Variants in NFATC1 observed in about 807,000 individuals in gnomAD.
NFATC1 encodes the protein nuclear factor of activated T cells 1, also known as nuclear factor of activated T-cells, cytoplasmic 1.
Under a neutral mutation model 76.0 loss-of-function variants are expected in NFATC1, and 22 were observed. The ratio of observed to expected loss-of-function variants is 0.29; its 90% CI spans 0.21 to 0.41. The LOEUF (loss-of-function observed/expected upper bound fraction) is 0.41. Among genes scored for constraint, NFATC1 ranks in the 10% least tolerant of loss-of-function variants. NFATC1 has a pLI of 1.00. For synonymous variants in NFATC1, 704 were observed against 613.1 expected, an observed-to-expected ratio of 1.15 and a Z score of -2.19; for missense variants, 1,357 against 1,337.7, an observed-to-expected ratio of 1.01 and a Z score of -0.23.
At position 79,410,042 on chromosome 18, in the gene NFATC1, A is replaced by C; in HGVS notation, c.128-361A>C. 1 of 599,272 alleles carries C rather than the reference A, an allele frequency of 1.7e-6. No homozygotes were observed. 37.1% of individuals were successfully genotyped at this position (599,272 alleles called of 1,614,324 possible). The stretch of plus-strand genomic sequence containing the variant: ...AGGACCCAGTCGCCTCTCTCTGGGA[A>C]GGACGTTCGGATGAAGATGGGGTGG... On this transcript the variant is annotated intron_variant, in intron 1 of 9. Coordinates refer to ENST00000427363, the MANE Select transcript of NFATC1 (RefSeq NM_001278669.2). The surrounding 1 kb of genome is among the most constrained non-coding windows in gnomAD (Gnocchi z 6.7).
chr18:79,462,973 G>C (rs540567550), intron 7 of NFATC1, among the ~76,000 whole-genome samples: 2 of 152,212 alleles, frequency 1.3e-5, no homozygotes, highest in East Asian at 3.8e-4. Flanking sequence ...TTGGTGGGAC[G>C]ATCGGTGGCC....
At chr18:79,519,733 AT>A (rs2090468292) in intron 9 of NFATC1, among the ~76,000 whole-genome samples, 1 of 152,090 alleles carries the variant, frequency 6.6e-6, no homozygotes, top group African/African-American at 2.4e-5. Flanking sequence ...GCATGTTTAA[AT>A]TTTTATTCTC....
chr18:79,396,751 G>A (rs1463397309), intron 1 of NFATC1, among the ~76,000 whole-genome samples: 1 of 152,018 alleles, frequency 6.6e-6, no homozygotes, highest in Non-Finnish European at 1.5e-5. Context: ...TCCTGAGCGA[G>A]GCAGAGCCAC....
At position 79,474,222 on chromosome 18, in the gene NFATC1, C is replaced by CGTG. The variant is rs34593308; in HGVS notation, c.2092+6642_2092+6643insGGT. Among the ~76,000 whole-genome samples the CGTG allele has an allele frequency of 5.5e-4, 43 of 77,886 alleles. 4 individuals carry two copies. The East Asian group carries it at 0.012, about 22-fold the overall frequency. The allele number at this position is 77,886 out of a possible 152,430, so 51.1% of individuals were successfully genotyped here. On this transcript the variant is annotated intron_variant, in intron 8 of 9. Transcript: ENST00000427363. ...AGCGTGTTCTCATGCTCACTGTCGA[C>CGTG]GTAAACCTGAGGGAAGCGTGTTCTC...
intron 6 of NFATC1, among the ~76,000 whole-genome samples, chr18:79,452,339 G>C (rs984159198): frequency 4.6e-5 from 7 of 152,218 alleles, no homozygotes; most frequent in African/African-American, 1.7e-4. Flanking sequence ...TGTGCCCCAA[G>C]GGCACAGGTC....
intron 9 of NFATC1, among the ~76,000 whole-genome samples, chr18:79,519,268 C>G (rs2046233785): frequency 6.6e-6 from 1 of 152,236 alleles, no homozygotes. Context: ...TCACTACCAT[C>G]TGAAAAACCC....
At chr18:79,502,275 G>T (rs1266784809) in intron 9 of NFATC1, among the ~76,000 whole-genome samples, 1 of 152,186 alleles carries the variant, frequency 6.6e-6, no homozygotes, top group Admixed American at 6.5e-5. Context: ...TTTTTAACAA[G>T]TGGTGCTGGG....
At chr18:79,399,070 C>G (rs1206965479) in intron 1 of NFATC1, among the ~76,000 whole-genome samples, 1 of 152,226 alleles carries the variant, frequency 6.6e-6, no homozygotes, top group Admixed American at 6.5e-5. Context: ...CCGTCTCAAA[C>G]AAACAAAAAC....
Position 79,484,410 on chromosome 18 carries a change from G to A in NFATC1, c.2093-1838G>A, listed in dbSNP as rs540910148. Among the ~76,000 whole-genome samples the A allele has an allele frequency of 3.3e-5, 5 of 152,172 alleles. No individual in the cohort carries two copies. In the South Asian group the frequency reaches 1.0e-3, roughly 32 times the overall value. ...GTGATTTTCTTCCTGCCTCCTGGAC[G>A]TCCCCACCTCCTGGTCACCCACCCC... On this transcript the variant is annotated intron_variant, in intron 8 of 9. Transcript: ENST00000427363.
At chr18:79,458,603 C>G (rs1222581948) in intron 6 of NFATC1, among the ~76,000 whole-genome samples, 1 of 152,254 alleles carries the variant, frequency 6.6e-6, no homozygotes, top group Non-Finnish European at 1.5e-5. Flanking sequence ...CCCTAATGAT[C>G]TGGAATATTT....
intron 4 of NFATC1, among the ~76,000 whole-genome samples, chr18:79,450,750 C>A (rs549243257): frequency 2.0e-5 from 3 of 152,206 alleles, no homozygotes; most frequent in Non-Finnish European, 4.4e-5. Context: ...TCGCCTGCGC[C>A]AATGTCAGAT....
At chr18:79,481,362 C>T (rs1294644469) in intron 8 of NFATC1, among the ~76,000 whole-genome samples, 1 of 152,236 alleles carries the variant, frequency 6.6e-6, no homozygotes, top group Non-Finnish European at 1.5e-5. Context: ...TCCACGGACA[C>T]CGCCTCCTGC....
intron 6 of NFATC1, among the ~76,000 whole-genome samples, chr18:79,458,320 C>G (rs367880853): frequency 0.16 from 23,378 of 149,344 alleles, 2,726 homozygotes; most frequent in African/African-American, 0.35. Flanking sequence ...GAGCAGGGCA[C>G]GAGGATGCTT....
intron 9 of NFATC1, among the ~76,000 whole-genome samples, chr18:79,511,420 G>C (rs2090250519): frequency 6.6e-6 from 1 of 152,144 alleles, no homozygotes; most frequent in East Asian, 1.9e-4. Flanking sequence ...CAAACAGCAG[G>C]TTCTGCCGGG....
chr18:79,501,251 G>T (rs1569035983), intron 9 of NFATC1, among the ~76,000 whole-genome samples: 10 of 151,940 alleles, frequency 6.6e-5, no homozygotes, highest in Admixed American at 6.6e-4. Context: ...ATAAATGCAA[G>T]AAAAAAAGCA....
chr18:79,481,175 G>A (rs1391315772), intron 8 of NFATC1, among the ~76,000 whole-genome samples: 1 of 152,206 alleles, frequency 6.6e-6, no homozygotes, highest in African/African-American at 2.4e-5. Context: ...GCTTTGTCGT[G>A]GACTCATCAT....
In NFATC1 at chr18:79,508,665, C is replaced by T. The variant is rs574443430; in HGVS notation, c.2783-18863C>T. On this transcript the variant is annotated intron_variant, in intron 9 of 9. Transcript: ENST00000427363. ...GGTCTGTCTCTTTCTCAGTCTGTCT[C>T]TCTGTCTCCCTTCCTCCCTGTCTCT... Among the ~76,000 whole-genome samples the T allele has an allele frequency of 3.9e-4, 59 of 152,086 alleles. 1 individual carries two copies. Among genetic ancestry groups the T allele is most frequent in the Non-Finnish European group, 1.0e-4 (7 of 67,964 alleles).
chr18:79,420,182 A>C (rs2148234526), intron 2 of NFATC1, among the ~76,000 whole-genome samples: 1 of 151,422 alleles, frequency 6.6e-6, no homozygotes, highest in African/African-American at 2.4e-5. Context: ...GAAGAGGGGG[A>C]CGTGTTTCCA....
Position 79,506,632 on chromosome 18 carries a change from G to A in NFATC1, c.2782+19695G>A, listed in dbSNP as rs1046228294. On this transcript the variant is annotated intron_variant, in intron 9 of 9. Coordinates refer to ENST00000427363, the MANE Select transcript of NFATC1 (RefSeq NM_001278669.2). ...CCATGTCCTGTAGGGAGTGTTAGGAGGAGTCTAGCTCTATTTTTAAATGAC... is the reference window on the plus strand; with the variant it reads ...CCATGTCCTGTAGGGAGTGTTAGGAAGAGTCTAGCTCTATTTTTAAATGAC... Among the ~76,000 whole-genome samples, 11 of 152,324 alleles carry A rather than the reference G, an allele frequency of 7.2e-5. No individual in the cohort carries two copies. In the South Asian group the frequency reaches 1.4e-3, roughly 20 times the overall value.
Sources: gnomAD v4.1 joint callset for allele counts (sites outside exome capture counted in the v4.1 genomes callset) on GRCh38, gnomAD v4.1.1 for gene constraint, Gnocchi (gnomAD v3.1) non-coding constraint, MANE v1.5 for transcripts, NCBI Gene and HGNC (gene_info 2026-07-23, HGNC 2026-07-21) for gene names.